The following RASGRP1 variants were observed in gnomAD, a reference collection of about 807,000 sequenced individuals.
The protein encoded by RASGRP1 is RAS guanyl releasing protein 1, also known as RAS guanyl-releasing protein 1.
In RASGRP1, 37 loss-of-function variants were observed where a neutral mutation model predicts 95.1. The ratio of observed to expected loss-of-function variants is 0.39; its 90% CI spans 0.30 to 0.51. The LOEUF is 0.51. Among genes scored for constraint, RASGRP1 ranks in the 20% least tolerant of loss-of-function variants. The pLI is 0.80. For synonymous variants in RASGRP1, 325 were observed against 353.4 expected (o/e 0.92, Z 0.90); for missense variants, 711 against 965.4 (o/e 0.74, Z 3.49).
At chr15:38,521,209 G>A (rs1189931182) in intron 3 of RASGRP1, among the ~76,000 whole-genome samples, 1 of 152,074 alleles carries the variant, frequency 6.6e-6, no homozygotes, top group Admixed American at 6.6e-5. Flanking sequence ...TCAGGCAAAA[G>A]GCACATAGAT....
intron 11 of RASGRP1, 97 bp downstream of exon 11, chr15:38,503,175 A>G (rs974840297): frequency 7.0e-6 from 7 of 994,136 alleles, no homozygotes; most frequent in Middle Eastern, 4.3e-4. Context: ...TCGTGCCTTT[A>G]CATTTCCACC....
At position 38,559,860 on chromosome 15, in the gene RASGRP1, T is replaced by G. The variant is rs761311759; in HGVS notation, c.181A>C (p.Ser61Arg). The change falls in exon 2 of 17, where the codon AGC becomes CGC. Residue 61 changes from serine (S) to arginine (R), a missense_variant. Physicochemically the swap from Ser to Arg is moderately radical, Grantham distance 110. Transcript: ENST00000310803. ...CAGCTGTCAATGAGATCGTCCAGGC[T>G]GGCTCCTTTGGCTAAATGTCCCAGA... ...VSLGHLAKGA[S>R]LDDLIDSCIQ... 6.8e-6 allele frequency: 11 copies of G among 1,614,004 alleles called. No individual in the cohort carries two copies. The Middle Eastern group carries it at 1.3e-3, about 194-fold the overall frequency.
chr15:38,498,600 T>C (rs990331161), intron 15 of RASGRP1, among the ~76,000 whole-genome samples, 194 bp downstream of exon 15: 4 of 152,170 alleles, frequency 2.6e-5, no homozygotes, highest in Non-Finnish European at 5.9e-5. Flanking sequence ...ACTAGGACTC[T>C]GCTATTCTCA....
At chr15:38,536,063 A>T (rs1277071243) in intron 2 of RASGRP1, among the ~76,000 whole-genome samples, 4 of 152,198 alleles carry the variant, frequency 2.6e-5, no homozygotes, top group Non-Finnish European at 4.4e-5. Flanking sequence ...CTCTAAGAGC[A>T]TTTGTTGAAG....
In RASGRP1 at chr15:38,537,670, C is replaced by T. The variant is rs555664690; in HGVS notation, c.221-11266G>A. On this transcript the variant is annotated intron_variant, in intron 2 of 16. Transcript: ENST00000310803. ...TAAACCATTCATGAGAAACCTACCC[C>T]CATGATCCAGGCATCTCCCACCAGG... Among the ~76,000 whole-genome samples the T allele has an allele frequency of 2.6e-5, 4 of 152,244 alleles. No individual in the cohort carries two copies. In the South Asian group the frequency reaches 8.3e-4, roughly 32 times the overall value.
At chr15:38,528,510 G>A (rs1055268441) in intron 2 of RASGRP1, among the ~76,000 whole-genome samples, 1 of 152,014 alleles carries the variant, frequency 6.6e-6, no homozygotes, top group Admixed American at 6.6e-5. Flanking sequence ...CACAACCCAA[G>A]TTGATGACTC....
intron 5 of RASGRP1, among the ~76,000 whole-genome samples, 161 bp from the exon 6 acceptor site, chr15:38,516,511 G>GT (rs557034295): frequency 3.3e-5 from 5 of 152,072 alleles, no homozygotes; most frequent in Admixed American, 6.6e-5. Context: ...CTCCAAATCA[G>GT]TTTTTTTCCA....
chr15:38,523,873 T>C (rs1892091534), intron 3 of RASGRP1, among the ~76,000 whole-genome samples: 1 of 152,212 alleles, frequency 6.6e-6, no homozygotes, highest in Non-Finnish European at 1.5e-5. Context: ...TAGCAGGCTA[T>C]GCCATCTAGG....
chr15:38,553,608 G>A (rs1014317987), intron 2 of RASGRP1, among the ~76,000 whole-genome samples: 1 of 152,172 alleles, frequency 6.6e-6, no homozygotes, highest in Non-Finnish European at 1.5e-5. Context: ...AATAAAGGTG[G>A]AAATGTACAC....
At position 38,558,504 on chromosome 15, in the gene RASGRP1, T is replaced by C. The variant is rs73384178; in HGVS notation, c.220+1317A>G. 8.2e-3 allele frequency among the ~76,000 whole-genome samples: 1,253 copies of C among 152,354 alleles called. 11 individuals are homozygous for C. The highest frequency in any genetic ancestry group is 0.029 in the African/African-American group (1,189 of 41,564). ...AACAAACAGCACTTTAAAGCAATGA[T>C]TCGCGAAGTGCGCTTCTTGGGTCAG... On this transcript the variant is annotated intron_variant, in intron 2 of 16. Transcript: ENST00000310803.
At chr15:38,530,755 T>C (rs1892402336) in intron 2 of RASGRP1, among the ~76,000 whole-genome samples, 1 of 152,210 alleles carries the variant, frequency 6.6e-6, no homozygotes, top group African/African-American at 2.4e-5. Context: ...CTTAGACGTG[T>C]CCTGGGTGAG....
chr15:38,553,863 T>C (rs1253159228), intron 2 of RASGRP1, among the ~76,000 whole-genome samples: 5 of 152,240 alleles, frequency 3.3e-5, no homozygotes, highest in Non-Finnish European at 7.3e-5. Context: ...GGCTTCACCA[T>C]GTGCTTTTCT....
At chr15:38,497,584 A>G (rs749429637) in intron 15 of RASGRP1, among the ~76,000 whole-genome samples, 3 of 152,072 alleles carry the variant, frequency 2.0e-5, no homozygotes, top group Non-Finnish European at 2.9e-5. Context: ...TCTCTCTGCT[A>G]TGTCCTCCTG....
intron 2 of RASGRP1, among the ~76,000 whole-genome samples, chr15:38,550,405 T>G (rs1189124897): frequency 6.6e-6 from 1 of 152,156 alleles, no homozygotes; most frequent in Non-Finnish European, 1.5e-5. Context: ...ATGGAAGTTT[T>G]GTGTTTCCTT....
intron 2 of RASGRP1, among the ~76,000 whole-genome samples, chr15:38,549,361 T>C (rs192105440): frequency 6.6e-6 from 1 of 152,306 alleles, no homozygotes; most frequent in East Asian, 1.9e-4. Flanking sequence ...ATAACTACAT[T>C]CCAGCAAGAT....
chr15:38,497,871 G>A (rs912025416), intron 15 of RASGRP1, among the ~76,000 whole-genome samples: 1 of 152,150 alleles, frequency 6.6e-6, no homozygotes, highest in Non-Finnish European at 1.5e-5. Context: ...GATTTTCCTT[G>A]TATGATTTGG....
chr15:38,549,797 C>T (rs1398627170), intron 2 of RASGRP1, among the ~76,000 whole-genome samples: 2 of 151,954 alleles, frequency 1.3e-5, no homozygotes, highest in Admixed American at 6.6e-5. Flanking sequence ...TCAGCAATCT[C>T]TCCAGGGCCC....
At chr15:38,547,841 A>G (rs1279872829) in intron 2 of RASGRP1, among the ~76,000 whole-genome samples, 3 of 152,030 alleles carry the variant, frequency 2.0e-5, no homozygotes, top group Non-Finnish European at 4.4e-5. Context: ...TTCCCTGCTC[A>G]AAACTGTGTG....
intron 2 of RASGRP1, among the ~76,000 whole-genome samples, chr15:38,547,004 CCA>C (rs1317815963): frequency 1.3e-5 from 2 of 152,062 alleles, no homozygotes; most frequent in African/African-American, 4.8e-5. Flanking sequence ...ATGCTATTTC[CCA>C]CAGTGTGTCT....
Sources: allele counts gnomAD v4.1 joint callset (sites outside exome capture counted in the v4.1 genomes callset), GRCh38; gene constraint gnomAD v4.1.1; transcripts MANE v1.5; gene names NCBI Gene and HGNC (gene_info 2026-07-23, HGNC 2026-07-21).